Variants in PCDHGA10 observed in about 807,000 individuals in gnomAD.
PCDHGA10 encodes the protein protocadherin gamma subfamily A, 10.
Under a neutral mutation model 59.5 loss-of-function variants are expected in PCDHGA10, and 42 were observed. That is an observed-to-expected ratio of 0.71 (90% CI 0.55 to 0.91). The LOEUF (loss-of-function observed/expected upper bound fraction) is 0.91, where lower values mean the gene tolerates loss of function less well. Among genes scored for constraint, PCDHGA10 ranks in the 40% least tolerant of loss-of-function variants. The pLI is 0.00. For missense variants in PCDHGA10, 1,111 were observed against 1,198.2 expected (o/e 0.93, Z 1.07); for synonymous variants, 511 against 517.2 (o/e 0.99, Z 0.16).
chr5:141,422,831 C>A (rs766457129), intron 1 of PCDHGA10: 11 of 1,614,242 alleles, frequency 6.8e-6, no homozygotes, highest in Non-Finnish European at 6.8e-6. Context: ...AGAGTGATAG[C>A]ACGTGACAGC....
rs1363449 is a variant in PCDHGA10, at chr5:141,413,826, C to G, written c.651C>G (p.Thr217=). Residue 217 remains threonine (T), a synonymous_variant, in exon 1 of 4, where the codon ACC becomes ACG. Transcript: ENST00000398610. ...EEEAIHHLVL[T]ASDGGDPLRS... ...AGGCCATTCACCACCTGGTCCTCAC[C>G]GCCTCCGACGGGGGTGACCCTCTCC... The G allele has an allele frequency of 6.2e-7, 1 of 1,613,180 alleles. No individual in the cohort carries two copies. The highest frequency in any genetic ancestry group is 8.5e-7 in the Non-Finnish European group (1 of 1,179,882).
At chr5:141,479,798 G>A (rs892288776) in intron 1 of PCDHGA10, among the ~76,000 whole-genome samples, 3 of 152,116 alleles carry the variant, frequency 2.0e-5, no homozygotes, top group African/African-American at 7.2e-5. Flanking sequence ...ATTAATTCAG[G>A]GTGGTATGCA....
chr5:141,444,152 A>AT (rs747671382), intron 1 of PCDHGA10, among the ~76,000 whole-genome samples: 1,130 of 33,890 alleles, frequency 0.033, 460 homozygotes, highest in Non-Finnish European at 0.038. Flanking sequence ...TGTGTACTGG[A>AT]TTTTTTTTTT....
chr5:141,478,434 T>C (rs747890986), intron 1 of PCDHGA10: 2 of 1,613,700 alleles, frequency 1.2e-6, no homozygotes, highest in East Asian at 2.2e-5. Flanking sequence ...GACCCGCTGC[T>C]GAAGAAACCT....
Position 141,490,732 on chromosome 5 carries a change from G to A in PCDHGA10, c.2437-4075G>A, listed in dbSNP as rs775388969. 6.2e-6 allele frequency: 10 copies of A among 1,614,188 alleles called. No homozygotes were observed. The highest frequency in any genetic ancestry group is 8.5e-6 in the Non-Finnish European group (10 of 1,180,042). ...CACCTACTCCATTGTAGGAAATCAG[G>A]TTCAGGGAGCCCCAGCCTCCTCCTT... On this transcript the variant is annotated intron_variant, in intron 1 of 3. Transcript: ENST00000398610. This position sits in a 1 kb window ranked among gnomAD's most constrained non-coding sequence, Gnocchi z 5.4.
In PCDHGA10 at chr5:141,432,330, A is replaced by G. The variant is rs760184218; in HGVS notation, c.2436+16719A>G. 82 of 1,614,134 alleles carry G rather than the reference A, an allele frequency of 5.1e-5. No individual in the cohort carries two copies. The highest frequency in any genetic ancestry group is 6.8e-5 in the Non-Finnish European group (80 of 1,180,048). Reference sequence around the variant, plus strand: ...GCGCTGAGCTCCTTCGACTACGAGCAGTTCCGAGACTTGCAAGTGAAAGTG... The same window carrying G: ...GCGCTGAGCTCCTTCGACTACGAGCGGTTCCGAGACTTGCAAGTGAAAGTG... On this transcript the variant is annotated intron_variant, in intron 1 of 3. Transcript: ENST00000398610. The surrounding 1 kb of genome is among the most constrained non-coding windows in gnomAD (Gnocchi z 6.0).
intron 1 of PCDHGA10, among the ~76,000 whole-genome samples, chr5:141,438,792 G>T (rs2098065674): frequency 6.7e-6 from 1 of 149,346 alleles, no homozygotes. Flanking sequence ...CTCTCCAGTA[G>T]CTGGGATTAC....
At chr5:141,430,076 T>C (rs2097260023) in intron 1 of PCDHGA10, among the ~76,000 whole-genome samples, 1 of 152,208 alleles carries the variant, frequency 6.6e-6, no homozygotes, top group South Asian at 2.1e-4. Context: ...GTTTCCATAA[T>C]ATCATGAAAA....
intron 1 of PCDHGA10, among the ~76,000 whole-genome samples, chr5:141,452,267 G>C (rs995249228): frequency 1.3e-5 from 2 of 151,882 alleles, no homozygotes; most frequent in Non-Finnish European, 2.9e-5. Context: ...TCATTTTCTT[G>C]AACCCTTTCT....
rs191953163 is a variant in PCDHGA10 at position 141,426,385 on chromosome 5, C to T, written c.2436+10774C>T. Reference sequence around the variant, plus strand: ...CTGCGGGGCACCCTCGGAGCAGATCCGCTACTCTATTCCAGAAGAAACGGT... The same window carrying T: ...CTGCGGGGCACCCTCGGAGCAGATCTGCTACTCTATTCCAGAAGAAACGGT... On this transcript the variant is annotated intron_variant, in intron 1 of 3. Transcript: ENST00000398610. 1.4e-3 allele frequency: 332 copies of T among 244,362 alleles called. 1 individual carries two copies. The highest frequency in any genetic ancestry group is 1.5e-3 in the Non-Finnish European group (188 of 121,940). 15.1% of individuals were successfully genotyped at this position (244,362 alleles called of 1,614,324 possible). A position where few individuals can be genotyped will look rare whatever the true frequency, so the allele number is the denominator to read the frequency against.
chr5:141,487,403 C>T lies in PCDHGA10; in HGVS notation c.2437-7404C>T. 1 of 1,614,140 alleles carries T rather than the reference C, an allele frequency of 6.2e-7. No homozygotes were observed. Among genetic ancestry groups the T allele is most frequent in the South Asian group, 1.1e-5 (1 of 91,082 alleles). ...CAGATCTCGAAGGAGGGAGGGGCTTCCCCCTTCCAATGGGATCCTCCGAAT... is the reference window on the plus strand; with the variant it reads ...CAGATCTCGAAGGAGGGAGGGGCTTTCCCCTTCCAATGGGATCCTCCGAAT... On this transcript the variant is annotated intron_variant, in intron 1 of 3. Coordinates refer to ENST00000398610, the MANE Select transcript of PCDHGA10 (RefSeq NM_018913.3). The surrounding 1 kb of genome is among the most constrained non-coding windows in gnomAD (Gnocchi z 5.0).
intron 1 of PCDHGA10, chr5:141,428,113 T>A: frequency 6.2e-7 from 1 of 1,607,492 alleles, no homozygotes; most frequent in Non-Finnish European, 8.5e-7. Flanking sequence ...CTGCAGGCCA[T>A]CGAGCCCGGG....
At chr5:141,503,660 C>A (rs2099827842) in intron 2 of PCDHGA10, among the ~76,000 whole-genome samples, 1 of 150,420 alleles carries the variant, frequency 6.6e-6, no homozygotes, top group Non-Finnish European at 1.5e-5. Flanking sequence ...AACAGAATTA[C>A]AACTCTTCCC....
chr5:141,431,658 C>T lies in PCDHGA10; in HGVS notation c.2436+16047C>T, dbSNP rs1283381348. 6.2e-7 allele frequency: 1 copy of T among 1,614,088 alleles called. No individual in the cohort carries two copies. ...TTCAAACTAGATTGTAATTCAGGGA[C>T]AATATCAACAATAGGGGAGTTGGAC... On this transcript the variant is annotated intron_variant, in intron 1 of 3. Transcript: ENST00000398610. The surrounding 1 kb of genome is among the most constrained non-coding windows in gnomAD (Gnocchi z 4.8).
chr5:141,476,687 A>G lies in PCDHGA10; in HGVS notation c.2437-18120A>G. 1 of 1,614,212 alleles carries G rather than the reference A, an allele frequency of 6.2e-7. No individual in the cohort carries two copies. Among genetic ancestry groups the G allele is most frequent in the Non-Finnish European group, 8.5e-7 (1 of 1,180,044 alleles). On this transcript the variant is annotated intron_variant, in intron 1 of 3. Transcript: ENST00000398610. This position sits in a 1 kb window ranked among gnomAD's most constrained non-coding sequence, Gnocchi z 7.6. ...TCGCGTGCAGACGCGGGAGGACAGC[A>G]CCAAGTACGCGGAGCTGGTGTTGGA... is the stretch of plus-strand genomic sequence containing the variant.
rs564367150 is a variant in PCDHGA10 at position 141,464,990 on chromosome 5, C to T, written c.2437-29817C>T. Among the ~76,000 whole-genome samples, 147 of 152,192 alleles carry T rather than the reference C, an allele frequency of 9.7e-4. 1 individual carries two copies. Among genetic ancestry groups the T allele is most frequent in the African/African-American group, 3.5e-3 (144 of 41,536 alleles). On this transcript the variant is annotated intron_variant, in intron 1 of 3. Transcript: ENST00000398610. ...CTACTGGCTTCAAGTGATCCTCCCA[C>T]CTCAGCCTCCCAAAGTGCTAAGATT...
Position 141,437,685 on chromosome 5 carries a change from G to A in PCDHGA10, c.2436+22074G>A, listed in dbSNP as rs116699614. ...GAAGAGATGTTGATCAAACTGATGA[G>A]GCTAAATCTCAAGAAAGAGACACAG... On this transcript the variant is annotated intron_variant, in intron 1 of 3. Coordinates refer to ENST00000398610, the MANE Select transcript of PCDHGA10 (RefSeq NM_018913.3). Among the ~76,000 whole-genome samples the A allele has an allele frequency of 1.0e-2, 1,519 of 151,976 alleles. 34 individuals carry two copies. The highest frequency in any genetic ancestry group is 0.034 in the African/African-American group (1,425 of 41,440).
rs758266181 is a variant in PCDHGA10 at position 141,476,561 on chromosome 5, G to A, written c.2437-18246G>A. 1.9e-6 allele frequency: 3 copies of A among 1,614,100 alleles called. No homozygotes were observed. The highest frequency in any genetic ancestry group is 2.5e-6 in the Non-Finnish European group (3 of 1,180,050). Reference sequence around the variant, plus strand: ...GAAATTGGAGATTAGCGAGGCCGTGGCTCCGGGGACGCGCTTTCCGCTCGA... The same window carrying A: ...GAAATTGGAGATTAGCGAGGCCGTGACTCCGGGGACGCGCTTTCCGCTCGA... On this transcript the variant is annotated intron_variant, in intron 1 of 3. Coordinates refer to ENST00000398610, the MANE Select transcript of PCDHGA10 (RefSeq NM_018913.3). This position sits in a 1 kb window ranked among gnomAD's most constrained non-coding sequence, Gnocchi z 7.6.
intron 1 of PCDHGA10, chr5:141,423,540 C>T (rs961504938): frequency 6.2e-7 from 1 of 1,613,606 alleles, no homozygotes; most frequent in Non-Finnish European, 8.5e-7. Context: ...ACCTGATTTT[C>T]CCCCAGCCCA....
Sources: allele counts gnomAD v4.1 joint callset (sites outside exome capture counted in the v4.1 genomes callset), GRCh38; gene constraint gnomAD v4.1.1; non-coding constraint Gnocchi (gnomAD v3.1); transcripts MANE v1.5; gene names NCBI Gene and HGNC (gene_info 2026-07-23, HGNC 2026-07-21).